The following ZNF536 variants were observed in gnomAD, a reference collection of about 807,000 sequenced individuals.
ZNF536 encodes the protein zinc finger protein 536.
Under a neutral mutation model 84.5 loss-of-function variants are expected in ZNF536, and 13 were observed. That is an observed-to-expected ratio of 0.15 (90% CI 0.10 to 0.24). ZNF536 has a LOEUF of 0.24. Ranked by LOEUF, ZNF536 falls within the 10% of genes least tolerant of loss-of-function variation. The pLI is 1.00. For synonymous variants in ZNF536, 811 were observed against 742.5 expected, an observed-to-expected ratio of 1.09 and a Z score of -1.50; for missense variants, 1,536 against 1,747.5, an observed-to-expected ratio of 0.88 and a Z score of 2.16.
intron 1 of ZNF536, among the ~76,000 whole-genome samples, chr19:30,692,021 G>A (rs1198351090): frequency 2.0e-5 from 3 of 152,234 alleles, no homozygotes; most frequent in Admixed American, 2.0e-4. Context: ...GCCGGGCCTG[G>A]GAGGCCCCCT....
At chr19:30,694,051 C>T (rs1197814212) in intron 1 of ZNF536, among the ~76,000 whole-genome samples, 1 of 152,122 alleles carries the variant, frequency 6.6e-6, no homozygotes, top group Non-Finnish European at 1.5e-5. Context: ...AGTGAATTAT[C>T]CACAGATAAC....
Position 30,414,096 on chromosome 19 carries a change from A to AAAT in ZNF536, c.-2-29463_-2-29462insTAA, listed in dbSNP as rs1239358883. Among the ~76,000 whole-genome samples, 3 of 150,766 alleles carry AAAT rather than the reference A, an allele frequency of 2.0e-5. No individual in the cohort carries two copies. The East Asian group carries it at 5.8e-4, about 29-fold the overall frequency. ...GCAACAGTGAGAGACTCTGTCTCAA[A>AAAT]AAAAAAAAAAAAAAAAAAGTTTCCC... is the stretch of plus-strand genomic sequence containing the variant. On this transcript the variant is annotated intron_variant, in intron 1 of 4. Transcript: ENST00000355537.
At chr19:30,437,164 T>A (rs1388676900) in intron 1 of ZNF536, among the ~76,000 whole-genome samples, 1 of 152,210 alleles carries the variant, frequency 6.6e-6, no homozygotes, top group Non-Finnish European at 1.5e-5. Context: ...TACTTTTTTT[T>A]TTCTGTGCTA....
intron 1 of ZNF536, among the ~76,000 whole-genome samples, chr19:30,693,702 T>C (rs576125448): frequency 6.6e-6 from 1 of 152,334 alleles, no homozygotes; most frequent in African/African-American, 2.4e-5. Context: ...TATGCTTCCA[T>C]CTTTCCTTTT....
At chr19:30,381,888 G>C (rs927638639) in intron 1 of ZNF536, among the ~76,000 whole-genome samples, 2 of 152,140 alleles carry the variant, frequency 1.3e-5, no homozygotes, top group African/African-American at 4.8e-5. Flanking sequence ...TAATATCCTT[G>C]AAGTATCAAA....
At chr19:30,249,427 A>G (rs1176554401) in intron 1 of ZNF536, among the ~76,000 whole-genome samples, 1 of 152,064 alleles carries the variant, frequency 6.6e-6, no homozygotes, top group Non-Finnish European at 1.5e-5. Flanking sequence ...CATGAGTTCT[A>G]TAGGTAACTT....
At chr19:30,526,080 C>T (rs149092467) in intron 2 of ZNF536, among the ~76,000 whole-genome samples, 30 of 152,302 alleles carry the variant, frequency 2.0e-4, no homozygotes, top group African/African-American at 6.5e-4. Flanking sequence ...CCCTGCTCAG[C>T]GACACGAATG....
intron 1 of ZNF536, among the ~76,000 whole-genome samples, chr19:30,659,971 GTGTGTGTGTGTT>G (rs1443128164): frequency 6.6e-6 from 1 of 151,688 alleles, no homozygotes; most frequent in African/African-American, 2.4e-5. Flanking sequence ...GTGTGTGTGT[GTGTGTGTGTGTT>G]TGTATGTGTT....
At chr19:30,485,632 T>C (rs906134726) in intron 2 of ZNF536, among the ~76,000 whole-genome samples, 13 of 151,970 alleles carry the variant, frequency 8.6e-5, no homozygotes, top group Non-Finnish European at 1.3e-4. Context: ...CTTGGCCTTT[T>C]AGCAAAGACT....
At chr19:30,313,902 G>C (rs753198551) in intron 2 of ZNF536, among the ~76,000 whole-genome samples, 11 of 152,192 alleles carry the variant, frequency 7.2e-5, no homozygotes, top group Non-Finnish European at 1.3e-4. Flanking sequence ...CCCTCGCTCC[G>C]CACTATGCGG....
chr19:30,470,770 C>CCA (rs971367785), intron 2 of ZNF536, among the ~76,000 whole-genome samples: 1 of 151,210 alleles, frequency 6.6e-6, no homozygotes, highest in Non-Finnish European at 1.5e-5. Context: ...ACTGCAGCCT[C>CCA]CACCTCCCTG....
intron 1 of ZNF536, among the ~76,000 whole-genome samples, chr19:30,425,743 G>T (rs570558058): frequency 1.3e-5 from 2 of 152,202 alleles, no homozygotes; most frequent in East Asian, 1.9e-4. Flanking sequence ...TGAGGCTGGG[G>T]CATGGAACAT....
At chr19:30,243,026 G>A (rs1289138809) in intron 1 of ZNF536, among the ~76,000 whole-genome samples, 1 of 152,028 alleles carries the variant, frequency 6.6e-6, no homozygotes, top group Non-Finnish European at 1.5e-5. Flanking sequence ...ATATTAAAAT[G>A]TAAATGACTC....
chr19:30,458,452 T>TTTTTG (rs759594903), intron 2 of ZNF536, among the ~76,000 whole-genome samples: 9,618 of 140,838 alleles, frequency 0.068, 409 homozygotes, highest in Admixed American at 0.12. Context: ...CTGCTGTTTT[T>TTTTTG]TTTTTTTTTT....
Position 30,697,263 on chromosome 19 carries a change from C to A in ZNF536, c.170-13494C>A, listed in dbSNP as rs556785183. Among the ~76,000 whole-genome samples the A allele has an allele frequency of 3.9e-5, 6 of 152,308 alleles. No homozygotes were observed. The South Asian group carries it at 8.3e-4, about 21-fold the overall frequency. On this transcript the variant is annotated intron_variant, in intron 1 of 1. Coordinates refer to the ZNF536 transcript ENST00000592773. ...ACCTCCCACCAGGTCCCTGCCTCAA[C>A]ACCTAGGGATCGCAATTCAAGTTGA...
At chr19:30,230,741 A>G (rs965440112) in intron 1 of ZNF536, among the ~76,000 whole-genome samples, 8 of 152,212 alleles carry the variant, frequency 5.3e-5, no homozygotes, top group Non-Finnish European at 8.8e-5. Context: ...TAGGTAACCA[A>G]AGAAATTTCC....
intron 1 of ZNF536, among the ~76,000 whole-genome samples, chr19:30,423,816 G>A (rs1037370952): frequency 2.0e-4 from 31 of 151,938 alleles, no homozygotes; most frequent in Middle Eastern, 3.4e-3. Flanking sequence ...GGGCCTGGGA[G>A]CGGTCGCTGC....
intron 2 of ZNF536, among the ~76,000 whole-genome samples, chr19:30,476,902 A>T (rs1472180066): frequency 6.6e-6 from 1 of 151,542 alleles, no homozygotes; most frequent in Non-Finnish European, 1.5e-5. Context: ...GTCACTCCTC[A>T]GAATGCTCCA....
At chr19:30,670,698 C>A (rs1333714058) in intron 1 of ZNF536, among the ~76,000 whole-genome samples, 1 of 152,200 alleles carries the variant, frequency 6.6e-6, no homozygotes, top group Non-Finnish European at 1.5e-5. Flanking sequence ...AGAGGCCTTC[C>A]TTCCCCAGAG....
Sources: allele counts gnomAD v4.1 joint callset (sites outside exome capture counted in the v4.1 genomes callset), GRCh38; gene constraint gnomAD v4.1.1; transcripts MANE v1.5; gene names NCBI Gene and HGNC (gene_info 2026-07-23, HGNC 2026-07-21).